CTNND2: variants seen among roughly 807,000 people sequenced by gnomAD.
CTNND2 encodes catenin delta 2, also known as catenin delta-2.
A neutral mutation model predicts 144.4 loss-of-function variants in CTNND2; 22 were observed. That is an observed-to-expected ratio of 0.15 (90% CI 0.11 to 0.22). CTNND2 has a LOEUF of 0.22. Ranked by LOEUF, CTNND2 falls within the 10% of genes least tolerant of loss-of-function variation. CTNND2 has a pLI of 1.00. For missense variants in CTNND2, 1,353 were observed against 1,618.8 expected, an observed-to-expected ratio of 0.84 and a Z score of 2.82; for synonymous variants, 751 against 695.6, an observed-to-expected ratio of 1.08 and a Z score of -1.25.
At position 11,792,757 on chromosome 5, in the gene CTNND2, C is replaced by G. The variant is rs564297642; in HGVS notation, c.38-60485G>C. On this transcript the variant is annotated intron_variant, in intron 1 of 21. Transcript: ENST00000304623. ...CTTCCACCAATAAAACAGCAATGTC[C>G]TCTTAAAAGAAAAATATTCTAGCAG... is the stretch of plus-strand genomic sequence containing the variant. Among the ~76,000 whole-genome samples, 19 of 152,288 alleles carry G rather than the reference C, an allele frequency of 1.2e-4. No homozygotes were observed. The South Asian group carries it at 3.7e-3, about 30-fold the overall frequency.
At chr5:11,579,364 A>G (rs942091284) in intron 2 of CTNND2, among the ~76,000 whole-genome samples, 2 of 152,192 alleles carry the variant, frequency 1.3e-5, no homozygotes, top group Non-Finnish European at 2.9e-5. Context: ...ACCCGTCTAC[A>G]TTGCTCCAAT....
intron 1 of CTNND2, among the ~76,000 whole-genome samples, chr5:11,810,609 T>G (rs1030442989): frequency 1.3e-5 from 2 of 152,192 alleles, no homozygotes; most frequent in African/African-American, 4.8e-5. Context: ...AATTGTGGCA[T>G]GTCAGAAAAA....
At chr5:11,468,805 T>C (rs1766903007) in intron 3 of CTNND2, among the ~76,000 whole-genome samples, 1 of 152,146 alleles carries the variant, frequency 6.6e-6, no homozygotes, top group Non-Finnish European at 1.5e-5. Context: ...TCTTGTCACC[T>C]GGAATTTTTA....
chr5:11,023,005 T>C (rs1309774525), intron 16 of CTNND2, 26 bp from the exon 17 acceptor site: 2 of 1,607,888 alleles, frequency 1.2e-6, no homozygotes, highest in Admixed American at 3.3e-5. Context: ...AAGAGAAGAG[T>C]TGAAAGGAGG....
At chr5:11,640,978 C>T (rs771490881) in intron 2 of CTNND2, among the ~76,000 whole-genome samples, 29 of 152,174 alleles carry the variant, frequency 1.9e-4, no homozygotes, top group African/African-American at 7.2e-5. Context: ...ATTCCCCTAA[C>T]GAACAATATG....
intron 3 of CTNND2, among the ~76,000 whole-genome samples, chr5:11,542,981 C>A (rs540906916): frequency 4.6e-5 from 7 of 152,330 alleles, no homozygotes; most frequent in Admixed American, 6.5e-5. Context: ...TATAAGTGCA[C>A]TGGATTGTCT....
intron 3 of CTNND2, among the ~76,000 whole-genome samples, chr5:11,528,871 G>A (rs1773492212): frequency 6.6e-6 from 1 of 152,236 alleles, no homozygotes; most frequent in Non-Finnish European, 1.5e-5. Context: ...CAGTGGCCAG[G>A]TGGCCCCAGA....
At chr5:11,576,608 GCT>G (rs1375886223) in intron 2 of CTNND2, among the ~76,000 whole-genome samples, 2 of 151,672 alleles carry the variant, frequency 1.3e-5, no homozygotes, top group African/African-American at 4.8e-5. Context: ...TAGCTGCAAA[GCT>G]CTCTGTCCAA....
chr5:11,726,440 T>G (rs139281722), intron 2 of CTNND2, among the ~76,000 whole-genome samples: 1 of 152,268 alleles, frequency 6.6e-6, no homozygotes, highest in African/African-American at 2.4e-5. Flanking sequence ...TCTCCCTAAA[T>G]ATTTGCAGCT....
intron 1 of CTNND2, among the ~76,000 whole-genome samples, chr5:11,878,065 G>A (rs560468649): frequency 6.6e-6 from 1 of 152,040 alleles, no homozygotes; most frequent in African/African-American, 2.4e-5. Flanking sequence ...TTTTGAAAGT[G>A]TGGTACAGAA....
intron 17 of CTNND2, among the ~76,000 whole-genome samples, chr5:11,021,138 G>C (rs1285285095): frequency 3.9e-5 from 6 of 152,094 alleles, no homozygotes; most frequent in Admixed American, 3.9e-4. Flanking sequence ...AATTTTATTT[G>C]ACCATAGGAC....
At chr5:11,681,739 A>G (rs1784429876) in intron 2 of CTNND2, among the ~76,000 whole-genome samples, 1 of 152,236 alleles carries the variant, frequency 6.6e-6, no homozygotes. Context: ...TAATAATTTG[A>G]TGTGTACTTC....
chr5:11,576,499 T>C (rs1777983144), intron 2 of CTNND2, among the ~76,000 whole-genome samples: 2 of 151,886 alleles, frequency 1.3e-5, no homozygotes, highest in South Asian at 4.2e-4. Context: ...GCTCCATTTA[T>C]TGGCCACCAA....
At chr5:11,301,148 C>T (rs1292216712) in intron 9 of CTNND2, among the ~76,000 whole-genome samples, 1 of 151,564 alleles carries the variant, frequency 6.6e-6, no homozygotes, top group Middle Eastern at 3.2e-3. Context: ...TCCCAAGTAG[C>T]TGGGATTACA....
Position 11,364,791 on chromosome 5 carries a change from T to C in CTNND2, c.1277A>G (p.Asp426Gly). Residue 426 changes from aspartate to glycine, a missense_variant, in exon 8 of 22, where the codon GAC becomes GGC. Physicochemically the swap from Asp to Gly is moderately conservative, Grantham distance 94. This residue lies in a region of CTNND2 where 708 missense variants were observed against 706.4 expected (regional missense o/e 1.00). Transcript: ENST00000304623. ...PEHHIDPIYE[D>G]RVYQKPPMRS... is the part of the protein sequence containing the mutation. ...CATAGGGGGCTTCTGATAGACGCGG[T>C]CTTCATAGATGGGATCTATGTGGTG... 1 of 1,613,784 alleles carries C rather than the reference T, an allele frequency of 6.2e-7. No homozygotes were observed. The highest frequency in any genetic ancestry group is 2.2e-5 in the East Asian group (1 of 44,850).
intron 2 of CTNND2, among the ~76,000 whole-genome samples, chr5:11,587,999 G>A (rs894901858): frequency 6.6e-6 from 1 of 151,916 alleles, no homozygotes; most frequent in African/African-American, 2.4e-5. Flanking sequence ...TTCTCAATGA[G>A]TTATTTGAAT....
intron 2 of CTNND2, among the ~76,000 whole-genome samples, chr5:11,591,402 C>A (rs576920649): frequency 1.7e-4 from 26 of 152,254 alleles, no homozygotes; most frequent in Non-Finnish European, 3.2e-4. Flanking sequence ...AAATAACAAC[C>A]CATACATTAG....
intron 1 of CTNND2, among the ~76,000 whole-genome samples, chr5:11,830,202 T>C (rs949168042): frequency 2.6e-5 from 4 of 152,210 alleles, no homozygotes; most frequent in African/African-American, 9.6e-5. Flanking sequence ...CTTTGAACTG[T>C]GGACTTTCGA....
intron 3 of CTNND2, among the ~76,000 whole-genome samples, chr5:11,450,908 A>C (rs1227904963): frequency 2.0e-5 from 3 of 149,306 alleles, no homozygotes; most frequent in African/African-American, 7.3e-5. Context: ...CAAAAAAAAA[A>C]AAAAAAAAAA....
Sources: allele counts gnomAD v4.1 joint callset (sites outside exome capture counted in the v4.1 genomes callset), GRCh38; gene constraint gnomAD v4.1.1; regional missense constraint gnomAD v4.1.1; transcripts MANE v1.5; gene names NCBI Gene and HGNC (gene_info 2026-07-23, HGNC 2026-07-21).